Variants in ADAMTSL1 observed in about 807,000 individuals in gnomAD.
ADAMTSL1 encodes ADAMTS like 1.
A neutral mutation model predicts 201.8 loss-of-function variants in ADAMTSL1; 126 were observed. The observed-to-expected ratio is 0.62, with a 90% CI of 0.54 to 0.72. ADAMTSL1 has a LOEUF of 0.72. Ranked by LOEUF, ADAMTSL1 falls within the 30% of genes least tolerant of loss-of-function variation. The pLI is 0.00. For missense variants in ADAMTSL1, 2,679 were observed against 2,277.8 expected (o/e 1.18, Z -3.59); for synonymous variants, 1,121 against 903.4 (o/e 1.24, Z -4.32).
intron 21 of ADAMTSL1, among the ~76,000 whole-genome samples, chr9:18,820,514 C>T (rs1824146159): frequency 6.6e-6 from 1 of 152,116 alleles, no homozygotes; most frequent in Non-Finnish European, 1.5e-5. Context: ...TTAATGATTC[C>T]CTTTTATCCT....
At chr9:18,365,054 C>T (rs953547290) in intron 2 of ADAMTSL1, among the ~76,000 whole-genome samples, 8 of 152,050 alleles carry the variant, frequency 5.3e-5, no homozygotes, top group Admixed American at 1.3e-4. Context: ...TCCTATGACC[C>T]AGATAATGTA....
intron 2 of ADAMTSL1, among the ~76,000 whole-genome samples, chr9:18,407,421 A>G (rs1473288828): frequency 6.6e-6 from 1 of 152,220 alleles, no homozygotes; most frequent in Admixed American, 6.5e-5. Flanking sequence ...TAGAAGAAGC[A>G]ATTGAATCCT....
intron 26 of ADAMTSL1, among the ~76,000 whole-genome samples, chr9:18,899,375 A>G (rs991357928): frequency 7.9e-5 from 12 of 152,356 alleles, no homozygotes; most frequent in Admixed American, 6.5e-4. Context: ...ATACTGCCCA[A>G]AGGAGTTTAT....
chr9:18,210,067 A>G (rs1305016227), intron 2 of ADAMTSL1, among the ~76,000 whole-genome samples: 2 of 151,980 alleles, frequency 1.3e-5, no homozygotes, highest in East Asian at 3.9e-4. Context: ...TTATAAAATG[A>G]CCTTTGTTTC....
At chr9:18,060,070 A>C (rs1822382134) in intron 1 of ADAMTSL1, among the ~76,000 whole-genome samples, 1 of 152,176 alleles carries the variant, frequency 6.6e-6, no homozygotes. Context: ...CTTGGAGTTA[A>C]CCACTGTTGT....
chr9:18,106,116 G>T (rs922158077), intron 1 of ADAMTSL1, among the ~76,000 whole-genome samples: 18 of 152,278 alleles, frequency 1.2e-4, no homozygotes, highest in Middle Eastern at 3.4e-3. Flanking sequence ...CACTAAGGAG[G>T]CAAGGGAATA....
chr9:18,165,462 A>G (rs920687400), intron 2 of ADAMTSL1, among the ~76,000 whole-genome samples: 5 of 151,920 alleles, frequency 3.3e-5, no homozygotes, highest in African/African-American at 1.2e-4. Flanking sequence ...CATTATTATT[A>G]CTACCTAATA....
chr9:17,980,869 G>C (rs1818662331), intron 1 of ADAMTSL1, among the ~76,000 whole-genome samples: 1 of 152,136 alleles, frequency 6.6e-6, no homozygotes, highest in Non-Finnish European at 1.5e-5. Context: ...TCTGATAGGG[G>C]CTTCAGGCTT....
chr9:18,247,878 T>C (rs995062794), intron 2 of ADAMTSL1, among the ~76,000 whole-genome samples: 2 of 151,962 alleles, frequency 1.3e-5, no homozygotes, highest in Non-Finnish European at 2.9e-5. Flanking sequence ...GGTATATATA[T>C]GTATATATAT....
chr9:18,221,801 G>A (rs1293015337), intron 2 of ADAMTSL1, among the ~76,000 whole-genome samples: 1 of 151,954 alleles, frequency 6.6e-6, no homozygotes, highest in Non-Finnish European at 1.5e-5. Context: ...TTAGATTAAT[G>A]TTATTTTATT....
chr9:18,563,027 A>C (rs1013029825), intron 3 of ADAMTSL1, among the ~76,000 whole-genome samples: 1 of 152,274 alleles, frequency 6.6e-6, no homozygotes, highest in South Asian at 2.1e-4. Flanking sequence ...TCAATACATC[A>C]AACTCATTCC....
At chr9:18,025,367 C>G (rs1173457164) in intron 1 of ADAMTSL1, among the ~76,000 whole-genome samples, 1 of 152,072 alleles carries the variant, frequency 6.6e-6, no homozygotes, top group East Asian at 1.9e-4. Context: ...AGGTTTTCTT[C>G]TAGGATTTTT....
At chr9:18,562,162 G>GT (rs1429400779) in intron 3 of ADAMTSL1, among the ~76,000 whole-genome samples, 2 of 152,162 alleles carry the variant, frequency 1.3e-5, no homozygotes, top group Non-Finnish European at 2.9e-5. Flanking sequence ...GCTGGTACCG[G>GT]TTTTTTCTTT....
chr9:18,203,621 A>G (rs1193403942), intron 2 of ADAMTSL1, among the ~76,000 whole-genome samples: 1 of 152,058 alleles, frequency 6.6e-6, no homozygotes, highest in Non-Finnish European at 1.5e-5. Flanking sequence ...GTGCATGCAT[A>G]TGTATTCACA....
At chr9:18,037,105 T>A (rs1415222175) in intron 1 of ADAMTSL1, among the ~76,000 whole-genome samples, 1 of 152,198 alleles carries the variant, frequency 6.6e-6, no homozygotes, top group Non-Finnish European at 1.5e-5. Flanking sequence ...TGGAAGTATT[T>A]GCATTTTAAA....
At chr9:18,407,085 A>G (rs952365061) in intron 2 of ADAMTSL1, among the ~76,000 whole-genome samples, 1 of 152,204 alleles carries the variant, frequency 6.6e-6, no homozygotes, top group African/African-American at 2.4e-5. Context: ...CCTCTATGGC[A>G]CTTTGCTGTC....
chr9:18,780,531 T>C (rs896806597), intron 19 of ADAMTSL1, among the ~76,000 whole-genome samples: 5 of 152,170 alleles, frequency 3.3e-5, no homozygotes, highest in Non-Finnish European at 7.4e-5. Flanking sequence ...TGATTTTTTA[T>C]TATAAAAGTA....
rs527795411 is a variant in ADAMTSL1, at chr9:18,746,411, G to A, written c.2007-6887G>A. 3.9e-4 allele frequency among the ~76,000 whole-genome samples: 59 copies of A among 152,268 alleles called. 1 individual carries two copies. The South Asian group carries it at 0.012, about 30-fold the overall frequency. ...CCTCCCGACCTCAGAGGCATTCTAA[G>A]GGAAACAAATATCTTTGGAAGACAA... is the stretch of plus-strand genomic sequence containing the variant. On this transcript the variant is annotated intron_variant, in intron 15 of 28. Transcript: ENST00000380548.
intron 19 of ADAMTSL1, among the ~76,000 whole-genome samples, chr9:18,784,951 G>A (rs1204476433): frequency 6.6e-6 from 1 of 152,196 alleles, no homozygotes. Flanking sequence ...AGATCACGAG[G>A]TCAAGAGATC....
Sources: allele counts gnomAD v4.1 joint callset (sites outside exome capture counted in the v4.1 genomes callset), GRCh38; gene constraint gnomAD v4.1.1; transcripts MANE v1.5; gene names NCBI Gene and HGNC (gene_info 2026-07-23, HGNC 2026-07-21).